The following SDK1 variants were observed in gnomAD, a reference collection of about 807,000 sequenced individuals.
SDK1 encodes the protein protein sidekick-1.
Under a neutral mutation model 245.5 loss-of-function variants are expected in SDK1, and 157 were observed. The observed-to-expected ratio is 0.64, with a 90% CI of 0.56 to 0.73. The LOEUF (loss-of-function observed/expected upper bound fraction) is 0.73, where lower values mean the gene tolerates loss of function less well. Among genes scored for constraint, SDK1 ranks in the 30% least tolerant of loss-of-function variants. The pLI is 0.00. For synonymous variants in SDK1, 1,647 were observed against 1,278.5 expected (o/e 1.29, Z -6.15); for missense variants, 3,583 against 3,002.3 (o/e 1.19, Z -4.52).
At chr7:3,959,813 A>G (rs1781536125) in intron 8 of SDK1, among the ~76,000 whole-genome samples, 1 of 149,406 alleles carries the variant, frequency 6.7e-6, no homozygotes, top group Admixed American at 6.7e-5. Flanking sequence ...TTGCCTTTTC[A>G]GCTCTGGGTC....
At chr7:3,821,312 C>T in intron 4 of SDK1, 138 bp from the exon 5 acceptor site, 1 of 927,176 alleles carries the variant, frequency 1.1e-6, no homozygotes, top group Non-Finnish European at 1.6e-6. Flanking sequence ...TTAAAGTCGG[C>T]CTGTGTATTG....
chr7:3,521,079 G>C (rs1438914364), intron 1 of SDK1, among the ~76,000 whole-genome samples: 2 of 152,144 alleles, frequency 1.3e-5, no homozygotes, highest in Non-Finnish European at 2.9e-5. Context: ...CCTGAGTTCA[G>C]TTTCTTTGAT....
At chr7:4,123,979 G>C (rs1217129514) in intron 25 of SDK1, among the ~76,000 whole-genome samples, 1 of 152,218 alleles carries the variant, frequency 6.6e-6, no homozygotes, top group East Asian at 1.9e-4. Flanking sequence ...TGGTTTCAGA[G>C]ACCCCACAGG....
chr7:3,787,605 C>T (rs1328046702), intron 4 of SDK1, among the ~76,000 whole-genome samples: 13 of 152,116 alleles, frequency 8.5e-5, no homozygotes, highest in Admixed American at 7.2e-4. Context: ...TTTATAAATA[C>T]GAAGTATCAT....
At chr7:4,023,026 G>A (rs958800294) in intron 17 of SDK1, among the ~76,000 whole-genome samples, 6 of 151,870 alleles carry the variant, frequency 4.0e-5, no homozygotes, top group East Asian at 3.9e-4. Flanking sequence ...CGCCTGCCTC[G>A]GCCTCCCAAA....
At chr7:4,199,000 G>C (rs1196815933) in intron 35 of SDK1, among the ~76,000 whole-genome samples, 1 of 152,000 alleles carries the variant, frequency 6.6e-6, no homozygotes, top group Non-Finnish European at 1.5e-5. Context: ...TTTTAGTAGA[G>C]ACGGGGGTTT....
At chr7:4,236,062 C>T (rs1786145282) in intron 41 of SDK1, among the ~76,000 whole-genome samples, 1 of 152,254 alleles carries the variant, frequency 6.6e-6, no homozygotes, top group Admixed American at 6.5e-5. Context: ...CCTAAGGAGC[C>T]CTGTGAACCT....
Position 4,178,628 on chromosome 7 carries a change from A to G in SDK1, c.5098+42A>G, listed in dbSNP as rs749793410. On this transcript the variant is annotated intron_variant, in intron 35 of 44. Transcript: ENST00000404826. Reference sequence around the variant, plus strand: ...CCCAACCCCACTGCCAGAGAGGGCCACAGTGGTGGGGACAGCCAGGCACGC... The same window carrying G: ...CCCAACCCCACTGCCAGAGAGGGCCGCAGTGGTGGGGACAGCCAGGCACGC... 30 of 1,435,638 alleles carry G rather than the reference A, an allele frequency of 2.1e-5. No individual in the cohort carries two copies. The East Asian group carries it at 6.1e-4, about 29-fold the overall frequency. 88.9% of individuals were successfully genotyped at this position (1,435,638 alleles called of 1,614,324 possible).
rs1783246911 is a variant in SDK1, at chr7:4,192,145, T to G, written c.5098+13559T>G. Among the ~76,000 whole-genome samples, 2 of 152,222 alleles carry G rather than the reference T, an allele frequency of 1.3e-5. 1 individual carries two copies. The highest frequency in any genetic ancestry group is 2.9e-5 in the Non-Finnish European group (2 of 68,032). On this transcript the variant is annotated intron_variant, in intron 35 of 44. Coordinates refer to ENST00000404826, the MANE Select transcript of SDK1 (RefSeq NM_152744.4). ...TCACACTCCTCACAGTTGGCCTTAG[T>G]GTGCTTCGTAGATACTGTGTCAGTT...
chr7:3,872,568 T>C (rs1780983101), intron 5 of SDK1, among the ~76,000 whole-genome samples: 1 of 145,200 alleles, frequency 6.9e-6, no homozygotes, highest in Non-Finnish European at 1.5e-5. Flanking sequence ...GTCATAGGAT[T>C]GTTTTTGGTA....
chr7:4,179,650 G>C (rs554622354), intron 35 of SDK1, among the ~76,000 whole-genome samples: 1 of 152,020 alleles, frequency 6.6e-6, no homozygotes, highest in Non-Finnish European at 1.5e-5. Flanking sequence ...CAGAGCCACC[G>C]AGGTACGGCT....
At chr7:3,610,571 A>T (rs1781555430) in intron 1 of SDK1, among the ~76,000 whole-genome samples, 1 of 152,236 alleles carries the variant, frequency 6.6e-6, no homozygotes, top group African/African-American at 2.4e-5. Context: ...TTATATACTG[A>T]AATAGATTAG....
intron 1 of SDK1, among the ~76,000 whole-genome samples, chr7:3,304,330 C>T (rs1779360731): frequency 1.3e-5 from 2 of 152,160 alleles, no homozygotes; most frequent in African/African-American, 4.8e-5. Context: ...TTCTTTATGC[C>T]ATCCACCAAG....
chr7:3,800,293 C>T (rs1779073668), intron 4 of SDK1, among the ~76,000 whole-genome samples: 2 of 152,252 alleles, frequency 1.3e-5, no homozygotes, highest in African/African-American at 4.8e-5. Flanking sequence ...TCCCATTATT[C>T]ATTGGTGAGC....
intron 28 of SDK1, among the ~76,000 whole-genome samples, chr7:4,141,566 A>T (rs1225212773): frequency 6.6e-6 from 1 of 152,218 alleles, no homozygotes; most frequent in South Asian, 2.1e-4. Context: ...GAGAAGTCTT[A>T]ATCACACACA....
intron 1 of SDK1, among the ~76,000 whole-genome samples, chr7:3,505,968 C>G (rs1460032328): frequency 6.6e-6 from 1 of 152,150 alleles, no homozygotes; most frequent in African/African-American, 2.4e-5. Flanking sequence ...TTGTTATAAG[C>G]TCTACAATAC....
At position 3,634,846 on chromosome 7, in the gene SDK1, C is replaced by T. The variant is rs148879453; in HGVS notation, c.459-4158C>T. Among the ~76,000 whole-genome samples, 251 of 152,266 alleles carry T rather than the reference C, an allele frequency of 1.6e-3. 2 individuals are homozygous for T. The highest frequency in any genetic ancestry group is 5.7e-3 in the African/African-American group (235 of 41,568). On this transcript the variant is annotated intron_variant, in intron 2 of 44. Coordinates refer to ENST00000404826, the MANE Select transcript of SDK1 (RefSeq NM_152744.4). ...TCTATTTCTGCTTCTTGTTTGAAAG[C>T]AGTTCTATTTTTGGGCGTTAGTACG... is the stretch of plus-strand genomic sequence containing the variant.
Position 3,571,194 on chromosome 7 carries a change from T to A in SDK1, c.299-47886T>A, listed in dbSNP as rs1780103164. 1.3e-5 allele frequency among the ~76,000 whole-genome samples: 2 copies of A among 152,086 alleles called. 1 individual carries two copies. The highest frequency in any genetic ancestry group is 4.8e-5 in the African/African-American group (2 of 41,450). ...AAATGTAATAGCTGAACTGCGTAAA[T>A]TTTAAAAACTTATCCTAGCTATTTG... On this transcript the variant is annotated intron_variant, in intron 1 of 44. Coordinates refer to ENST00000404826, the MANE Select transcript of SDK1 (RefSeq NM_152744.4).
intron 1 of SDK1, among the ~76,000 whole-genome samples, chr7:3,458,578 C>T (rs187828521): frequency 1.3e-5 from 2 of 151,578 alleles, no homozygotes; most frequent in African/African-American, 4.8e-5. Flanking sequence ...ACAGTTGTGG[C>T]AAGAAACAGA....
Sources: gnomAD v4.1 joint callset for allele counts (sites outside exome capture counted in the v4.1 genomes callset) on GRCh38, gnomAD v4.1.1 for gene constraint, MANE v1.5 for transcripts, NCBI Gene and HGNC (gene_info 2026-07-23, HGNC 2026-07-21) for gene names.